Variants in CACNA1I observed in about 807,000 individuals in gnomAD.
The protein encoded by CACNA1I is voltage-dependent T-type calcium channel subunit alpha-1I.
Under a neutral mutation model 201.6 loss-of-function variants are expected in CACNA1I, and 74 were observed. The observed-to-expected ratio is 0.37, with a 90% CI of 0.30 to 0.45. The LOEUF is 0.45. Ranked by LOEUF, CACNA1I falls within the 20% of genes least tolerant of loss-of-function variation. The probability of loss-of-function intolerance (pLI) is 1.00; values close to 1 mark genes in which losing one functional copy is unlikely to be tolerated. For missense variants in CACNA1I, 2,346 were observed against 3,138.1 expected (o/e 0.75, Z 6.03); for synonymous variants, 1,431 against 1,345.2 (o/e 1.06, Z -1.40).
At chr22:39,613,116 G>T (rs534693348) in intron 3 of CACNA1I, among the ~76,000 whole-genome samples, 40 of 152,320 alleles carry the variant, frequency 2.6e-4, no homozygotes, top group African/African-American at 9.4e-4. Context: ...TCCTGGGCGG[G>T]GTATTTCCTG....
At chr22:39,595,931 C>T (rs1052031128) in intron 1 of CACNA1I, among the ~76,000 whole-genome samples, 5 of 150,692 alleles carry the variant, frequency 3.3e-5, no homozygotes, top group East Asian at 2.0e-4. Context: ...AGTGGCAGGG[C>T]GTGAAGAGGG....
intron 1 of CACNA1I, among the ~76,000 whole-genome samples, chr22:39,594,265 G>C (rs1320266766): frequency 6.6e-6 from 1 of 152,084 alleles, no homozygotes; most frequent in East Asian, 1.9e-4. Context: ...GGGGCACCGG[G>C]CTCCTGGGAG....
chr22:39,678,122 G>A lies in CACNA1I; in HGVS notation c.5055+14G>A. On this transcript the variant is annotated intron_variant, in intron 31 of 36. Transcript: ENST00000402142. ...GGGATCATGAAGGTACTCCTGGGCGGGCTGGGGTGGAGAAATCAGCCAGGT... is the reference window on the plus strand; with the variant it reads ...GGGATCATGAAGGTACTCCTGGGCGAGCTGGGGTGGAGAAATCAGCCAGGT... 2 of 1,608,930 alleles carry A rather than the reference G, an allele frequency of 1.2e-6. No homozygotes were observed. The highest frequency in any genetic ancestry group is 1.7e-6 in the Non-Finnish European group (2 of 1,177,204).
At chr22:39,590,759 C>G (rs115077332) in intron 1 of CACNA1I, among the ~76,000 whole-genome samples, 3 of 152,210 alleles carry the variant, frequency 2.0e-5, no homozygotes, top group Non-Finnish European at 2.9e-5. Context: ...GTGGGGATAA[C>G]GGTAGTATCA....
chr22:39,638,937 A>G lies in CACNA1I; in HGVS notation c.741-1930A>G, dbSNP rs146110369. On this transcript the variant is annotated intron_variant, in intron 5 of 36. Coordinates refer to ENST00000402142, the MANE Select transcript of CACNA1I (RefSeq NM_021096.4). ...CGTGCTCCTATGAGAATCTAATGCT[A>G]CCACTGATCTGACAGAAGGTGGAGC... Among the ~76,000 whole-genome samples, 434 of 152,322 alleles carry G rather than the reference A, an allele frequency of 2.8e-3. 1 individual carries two copies. The highest frequency in any genetic ancestry group is 0.01 in the African/African-American group (422 of 41,570).
intron 7 of CACNA1I, among the ~76,000 whole-genome samples, chr22:39,646,291 T>G (rs1934482738): frequency 6.6e-6 from 1 of 152,076 alleles, no homozygotes; most frequent in Non-Finnish European, 1.5e-5. Flanking sequence ...CTGTCTTTTC[T>G]GAGCCCGTCT....
rs1358605706 is a variant in CACNA1I, at chr22:39,662,137, G to A, written c.3074G>A (p.Gly1025Glu). 6 of 1,525,332 alleles carry A rather than the reference G, an allele frequency of 3.9e-6. No individual in the cohort carries two copies. Among genetic ancestry groups the A allele is most frequent in the Non-Finnish European group, 5.3e-6 (6 of 1,140,336 alleles). 94.5% of individuals were successfully genotyped at this position (1,525,332 alleles called of 1,614,324 possible). Residue 1025 changes from glycine (G) to glutamate (E), a missense_variant, in exon 17 of 37, where the codon GGG (glycine) becomes GAG (glutamate). Physicochemically the swap from Gly to Glu is moderately conservative, Grantham distance 98. Coordinates refer to ENST00000402142, the MANE Select transcript of CACNA1I (RefSeq NM_021096.4). The stretch of plus-strand genomic sequence containing the variant: ...GTCTGCGAGGTTGCCGCGGACGAGG[G>A]GCCGCCGCGGGCCGCACCCCTGCAC... Reference protein sequence around the residue: ...ARVCEVAADEGPPRAAPLHTP... With the variant: ...ARVCEVAADEEPPRAAPLHTP...
At chr22:39,614,393 G>A (rs985085133) in intron 3 of CACNA1I, among the ~76,000 whole-genome samples, 9 of 152,232 alleles carry the variant, frequency 5.9e-5, no homozygotes, top group Admixed American at 2.0e-4. Flanking sequence ...TCAGGGATCT[G>A]GGCTCAGCTG....
In CACNA1I at chr22:39,649,313, CAG is replaced by C. The variant is rs954844934; in HGVS notation, c.1568-187_1568-186del. ...GGCGTTCCTGCCCCAACTTCTACAA[CAG>C]GGGCAGACAAAGCTCAGAGAGCTGC... On this transcript the variant is annotated intron_variant, in intron 9 of 36. Transcript: ENST00000402142. The surrounding 1 kb of genome is among the most constrained non-coding windows in gnomAD (Gnocchi z 7.3). 1.2e-4 allele frequency among the ~76,000 whole-genome samples: 19 copies of C among 152,370 alleles called. No homozygotes were observed. The highest frequency in any genetic ancestry group is 4.6e-4 in the African/African-American group (19 of 41,592).
chr22:39,627,482 C>T (rs1200317944), intron 4 of CACNA1I, among the ~76,000 whole-genome samples: 1 of 152,236 alleles, frequency 6.6e-6, no homozygotes, highest in African/African-American at 2.4e-5. Context: ...GTGGTTAGTG[C>T]ACAGCGGGTG....
At chr22:39,673,451 A>C (rs1349487489) in intron 28 of CACNA1I, among the ~76,000 whole-genome samples, 2 of 152,270 alleles carry the variant, frequency 1.3e-5, no homozygotes, top group East Asian at 3.9e-4. Flanking sequence ...GGCATTTCTC[A>C]AACACAGTGA....
At chr22:39,594,506 C>G (rs547308260) in intron 1 of CACNA1I, among the ~76,000 whole-genome samples, 8 of 152,290 alleles carry the variant, frequency 5.3e-5, no homozygotes, top group Non-Finnish European at 1.2e-4. Flanking sequence ...AAATTAATTA[C>G]AGGCTATGGC....
intron 7 of CACNA1I, among the ~76,000 whole-genome samples, chr22:39,645,782 T>C (rs1934470153): frequency 6.6e-6 from 1 of 152,132 alleles, no homozygotes; most frequent in African/African-American, 2.4e-5. Flanking sequence ...GCCTGGAAAC[T>C]GGAGAGGAGC....
intron 1 of CACNA1I, among the ~76,000 whole-genome samples, chr22:39,586,716 A>G (rs132575): frequency 0.51 from 76,956 of 151,954 alleles, 20,401 homozygotes; most frequent in Non-Finnish European, 0.55. Context: ...ACATGAACAC[A>G]GACGTGTGTT....
chr22:39,635,491 G>C (rs968588400), intron 5 of CACNA1I, among the ~76,000 whole-genome samples: 1 of 152,216 alleles, frequency 6.6e-6, no homozygotes, highest in Admixed American at 6.5e-5. Context: ...GTGAGGGCTA[G>C]TTTCTCCCTC....
intron 10 of CACNA1I, among the ~76,000 whole-genome samples, chr22:39,655,520 G>A (rs1934789796): frequency 6.6e-6 from 1 of 152,098 alleles, no homozygotes; most frequent in Non-Finnish European, 1.5e-5. Flanking sequence ...TGCTCTTTTT[G>A]TGTCTCTTTC....
At chr22:39,603,968 G>A (rs1933138510) in intron 3 of CACNA1I, among the ~76,000 whole-genome samples, 1 of 152,170 alleles carries the variant, frequency 6.6e-6, no homozygotes, top group Admixed American at 6.5e-5. Context: ...GACCTTTAGT[G>A]AACAGGAAAT....
chr22:39,571,023 C>A, intron 1 of CACNA1I, 35 bp downstream of exon 1: 1 of 1,558,494 alleles, frequency 6.4e-7, no homozygotes, highest in Non-Finnish European at 8.8e-7. Flanking sequence ...CGGGGCCCTG[C>A]AGGGGCTGAA....
chr22:39,624,871 A>G (rs136809), intron 4 of CACNA1I, among the ~76,000 whole-genome samples: 21,204 of 147,150 alleles, frequency 0.14, 1,892 homozygotes, highest in Admixed American at 0.26. Flanking sequence ...CATTTCTCCT[A>G]CTTATGGTTT....
Sources: gnomAD v4.1 joint callset for allele counts (sites outside exome capture counted in the v4.1 genomes callset) on GRCh38, gnomAD v4.1.1 for gene constraint, Gnocchi (gnomAD v3.1) non-coding constraint, MANE v1.5 for transcripts, NCBI Gene and HGNC (gene_info 2026-07-23, HGNC 2026-07-21) for gene names.